The following BTG4 variants were observed in gnomAD, a reference collection of about 807,000 sequenced individuals.
BTG4 encodes BTG anti-proliferation factor 4, also known as protein BTG4.
Under a neutral mutation model 19.3 loss-of-function variants are expected in BTG4, and 10 were observed. The observed-to-expected ratio is 0.52, with a 90% CI of 0.32 to 0.88. The LOEUF (loss-of-function observed/expected upper bound fraction) is 0.88. Among genes scored for constraint, BTG4 ranks in the 40% least tolerant of loss-of-function variants. BTG4 has a pLI of 0.04. For synonymous variants in BTG4, 91 were observed against 95.7 expected (o/e 0.95, Z 0.29); for missense variants, 238 against 281.9 (o/e 0.84, Z 1.11).
rs1328405578 is a variant in BTG4 at position 111,498,651 on chromosome 11, G to A, written c.126C>T (p.Tyr42=). ...GGCAATCAGAGTGCCAGTGACTTCT[G>A]TATGTTTCAAACAAGATCGTCATCA... ...EKLMTILFET[Y]RSHWHSDCPS... The change falls in exon 2 of 5, where the codon TAC becomes TAT. Residue 42 remains tyrosine (Y), a synonymous_variant. Coordinates refer to ENST00000692032, the MANE Select transcript of BTG4 (RefSeq NM_001367975.1). The A allele has an allele frequency of 1.2e-6, 2 of 1,613,828 alleles. No individual in the cohort carries two copies. The highest frequency in any genetic ancestry group is 1.7e-5 in the Admixed American group (1 of 59,948).
chr11:111,481,066 A>C (rs1864709870), intron 5 of BTG4, among the ~76,000 whole-genome samples: 1 of 151,868 alleles, frequency 6.6e-6, no homozygotes, highest in African/African-American at 2.4e-5. Context: ...ATTAAAAAGA[A>C]AGTGAAGACA....
the BTG4 span, among the ~76,000 whole-genome samples, chr11:111,394,763 C>A: frequency 3.9e-5 from 6 of 152,304 alleles, no homozygotes; most frequent in Admixed American, 2.6e-4. Context: ...GAGAGACAGA[C>A]CTCGTCTTTA....
the BTG4 span, chr11:111,454,841 G>T: frequency 2.1e-5 from 8 of 380,008 alleles, no homozygotes; most frequent in East Asian, 7.4e-5. Flanking sequence ...TTGGGGGTTG[G>T]GGGGTGGGGT....
chr11:111,394,786 C>T, the BTG4 span, among the ~76,000 whole-genome samples: 2 of 152,168 alleles, frequency 1.3e-5, no homozygotes, highest in Non-Finnish European at 2.9e-5. Context: ...TAACTGACAC[C>T]AGGAAATCAT....
the BTG4 span, chr11:111,451,087 T>C: frequency 5.4e-6 from 1 of 186,196 alleles, no homozygotes; most frequent in Non-Finnish European, 1.2e-5. Context: ...AAGTCAATGA[T>C]ACCCTGGCCT....
At chr11:111,494,665 G>A (rs1565462622), downstream of BTG4, among the ~76,000 whole-genome samples, 2 of 149,728 alleles carry the variant, frequency 1.3e-5, no homozygotes, top group African/African-American at 5.1e-5. Flanking sequence ...GGTGGCTCAC[G>A]CCTGAATCCC....
chr11:111,388,288 GGT>G, the BTG4 span, among the ~76,000 whole-genome samples: 1 of 140,246 alleles, frequency 7.1e-6, no homozygotes, highest in Non-Finnish European at 1.5e-5. Flanking sequence ...TCAGTTGGTT[GGT>G]TGGTTGGTTG....
At chr11:111,405,336 G>T in the BTG4 span, among the ~76,000 whole-genome samples, 1 of 148,062 alleles carries the variant, frequency 6.8e-6, no homozygotes, top group African/African-American at 2.5e-5. Context: ...CCTGGGAGGC[G>T]GAGGGTGTGG....
chr11:111,403,031 C>T, the BTG4 span, among the ~76,000 whole-genome samples: 1 of 152,136 alleles, frequency 6.6e-6, no homozygotes, highest in Non-Finnish European at 1.5e-5. Context: ...TCCCTTTAGC[C>T]TTCTGAATTA....
chr11:111,389,771 T>A, the BTG4 span, among the ~76,000 whole-genome samples: 2 of 152,244 alleles, frequency 1.3e-5, no homozygotes, highest in African/African-American at 4.8e-5. Flanking sequence ...CTGATCGGCA[T>A]GAGTACGTTT....
upstream of BTG4, chr11:111,513,300 G>T: frequency 2.1e-6 from 1 of 471,842 alleles, no homozygotes; most frequent in East Asian, 6.3e-5. Flanking sequence ...TGTATGCTGT[G>T]ATTCACTGTG....
chr11:111,445,013 T>C, the BTG4 span, among the ~76,000 whole-genome samples: 1 of 152,014 alleles, frequency 6.6e-6, no homozygotes, highest in Non-Finnish European at 1.5e-5. Flanking sequence ...AGACAATAGA[T>C]ATTGGTGAGG....
chr11:111,478,366 C>T (rs557046036), intron 5 of BTG4, among the ~76,000 whole-genome samples: 6 of 152,248 alleles, frequency 3.9e-5, no homozygotes, highest in South Asian at 4.1e-4. Context: ...TTCTCTCCCC[C>T]ACTGGAATAG....
the BTG4 span, among the ~76,000 whole-genome samples, chr11:111,406,298 T>C: frequency 6.6e-6 from 1 of 152,208 alleles, no homozygotes; most frequent in Admixed American, 6.5e-5. Flanking sequence ...TGTGTTTTGA[T>C]GATGATGACC....
downstream of BTG4, among the ~76,000 whole-genome samples, chr11:111,464,109 G>A (rs1863579634): frequency 6.6e-6 from 1 of 152,196 alleles, no homozygotes; most frequent in South Asian, 2.1e-4. Flanking sequence ...TGATTCTCCT[G>A]CCTCAGCCTC....
Position 111,494,819 on chromosome 11 carries a change from A to C in BTG4, c.*316T>G. On this transcript the variant is annotated 3_prime_UTR_variant, in exon 5 of 5. Transcript: ENST00000692032. ...GCAACAAACTGAACTAAGAAGTATT[A>C]AAAACACTGTACGTTTATTTAAACC... is the stretch of plus-strand genomic sequence containing the variant. 1.1e-6 allele frequency: 1 copy of C among 917,354 alleles called. No homozygotes were observed. Among genetic ancestry groups the C allele is most frequent in the Non-Finnish European group, 1.3e-6 (1 of 767,902 alleles). The allele number at this position is 917,354 out of a possible 1,614,324, so 56.8% of individuals were successfully genotyped here. A position where few individuals can be genotyped will look rare whatever the true frequency, so the allele number is the denominator to read the frequency against.
the BTG4 span, chr11:111,385,712 A>T: frequency 6.6e-6 from 1 of 152,218 alleles, no homozygotes; most frequent in Non-Finnish European, 1.5e-5. Flanking sequence ...AAATATCTAA[A>T]CATTTGATAA....
chr11:111,501,978 T>G (rs1233035456), intron 1 of BTG4, among the ~76,000 whole-genome samples: 1 of 152,206 alleles, frequency 6.6e-6, no homozygotes, highest in Non-Finnish European at 1.5e-5. Context: ...AGGACCTTAA[T>G]AATCTTCCAA....
At chr11:111,470,948 T>C (rs1034912780) in intron 5 of BTG4, among the ~76,000 whole-genome samples, 4 of 151,986 alleles carry the variant, frequency 2.6e-5, no homozygotes, top group African/African-American at 9.7e-5. Context: ...AATAAAACAC[T>C]TTTTTGAAAG....
Sources: gnomAD v4.1 joint callset for allele counts (sites outside exome capture counted in the v4.1 genomes callset) on GRCh38, gnomAD v4.1.1 for gene constraint, MANE v1.5 for transcripts, NCBI Gene and HGNC (gene_info 2026-07-23, HGNC 2026-07-21) for gene names.